Variants in PRIM2 observed in about 807,000 individuals in gnomAD.
PRIM2 encodes DNA primase large subunit.
Under a neutral mutation model 67.3 loss-of-function variants are expected in PRIM2, and 39 were observed. The observed-to-expected ratio is 0.58, with a 90% CI of 0.45 to 0.76. PRIM2 has a LOEUF of 0.76. PRIM2 is among the 30% of genes least tolerant of loss of function. The pLI, the probability that PRIM2 is intolerant of heterozygous loss-of-function variation, is 0.00. For missense variants in PRIM2, 398 were observed against 598.7 expected (o/e 0.66, Z 3.50); for synonymous variants, 143 against 198.7 (o/e 0.72, Z 2.36).
At chr6:57,464,083 G>C (rs35233178) in intron 7 of PRIM2, among the ~76,000 whole-genome samples, 2 of 151,870 alleles carry the variant, frequency 1.3e-5, no homozygotes, top group African/African-American at 2.4e-5. Flanking sequence ...CTCACTTTCC[G>C]GGTCTTCCCT....
chr6:57,503,401 A>C, intron 7 of PRIM2, among the ~76,000 whole-genome samples: 1 of 152,182 alleles, frequency 6.6e-6, no homozygotes, highest in Non-Finnish European at 1.5e-5. Flanking sequence ...ATTTCTAACA[A>C]TCATTTAGTG....
chr6:57,400,463 A>G (rs9475926), intron 7 of PRIM2, among the ~76,000 whole-genome samples: 108,041 of 152,024 alleles, frequency 0.71, 38,731 homozygotes, highest in African/African-American at 0.81. Flanking sequence ...CAGCTGAGTG[A>G]TCTGCTGTTA....
chr6:57,335,681 G>A (rs966902175), intron 5 of PRIM2, among the ~76,000 whole-genome samples: 2 of 152,180 alleles, frequency 1.3e-5, no homozygotes, highest in African/African-American at 4.8e-5. Flanking sequence ...CTAACAAACA[G>A]AAAGGACAAA....
the PRIM2 span, among the ~76,000 whole-genome samples, chr6:57,290,872 A>G: frequency 1.9e-3 from 291 of 152,284 alleles, 1 homozygote; most frequent in Non-Finnish European, 3.2e-3. Flanking sequence ...GAAATTTATA[A>G]CACTAAATGC....
chr6:57,510,207 A>G lies in PRIM2; in HGVS notation c.761+2753A>G, dbSNP rs1554347568. Among the ~76,000 whole-genome samples the G allele has an allele frequency of 3.9e-3, 590 of 152,284 alleles. 2 individuals carry two copies. The highest frequency in any genetic ancestry group is 6.1e-3 in the Non-Finnish European group (418 of 68,020). ...AGTGATGTTCATATTTGTATTTTCA[A>G]TAGCGGAGACAGTATCTGGTGTATG... is the stretch of plus-strand genomic sequence containing the variant. On this transcript the variant is annotated intron_variant, in intron 8 of 13. Coordinates refer to ENST00000615550, the MANE Select transcript of PRIM2 (RefSeq NM_000947.5).
chr6:57,576,218 A>G (rs1439134821), intron 10 of PRIM2, among the ~76,000 whole-genome samples: 3 of 152,150 alleles, frequency 2.0e-5, no homozygotes, highest in East Asian at 1.9e-4. Flanking sequence ...CTATAAATAA[A>G]TATGAGAAAT....
intron 5 of PRIM2, among the ~76,000 whole-genome samples, chr6:57,327,377 G>A (rs1455415453): frequency 2.0e-5 from 3 of 152,194 alleles, no homozygotes; most frequent in African/African-American, 7.2e-5. Context: ...ATAGGTGAAA[G>A]ACATTGTCCT....
intron 7 of PRIM2, among the ~76,000 whole-genome samples, chr6:57,505,821 A>G (rs1204934439): frequency 3.9e-5 from 6 of 152,178 alleles, no homozygotes; most frequent in South Asian, 2.1e-4. Flanking sequence ...GTTTGCCTCT[A>G]TTAGAAAGCA....
chr6:57,538,458 TA>T (rs1775045073), intron 10 of PRIM2, among the ~76,000 whole-genome samples: 1 of 152,348 alleles, frequency 6.6e-6, no homozygotes, highest in South Asian at 2.1e-4. Context: ...AATAACATTT[TA>T]CTTGGAAATA....
chr6:57,254,636 A>C, the PRIM2 span, among the ~76,000 whole-genome samples: 1,576 of 152,292 alleles, frequency 0.01, 33 homozygotes, highest in African/African-American at 0.036. Flanking sequence ...TAACAAATGA[A>C]TTCTTAACAG....
chr6:57,405,926 C>T (rs202054568), intron 7 of PRIM2, among the ~76,000 whole-genome samples: 1 of 152,232 alleles, frequency 6.6e-6, no homozygotes, highest in African/African-American at 2.4e-5. Context: ...CATCATCACC[C>T]AGCAAGCCAA....
chr6:57,384,640 T>G (rs7748662), intron 7 of PRIM2, among the ~76,000 whole-genome samples: 94,556 of 151,864 alleles, frequency 0.62, 29,653 homozygotes, highest in African/African-American at 0.72. Flanking sequence ...TTAGATGGGG[T>G]ATCATGGGAG....
chr6:57,592,351 C>T (rs1164211572), intron 10 of PRIM2, among the ~76,000 whole-genome samples: 2 of 152,138 alleles, frequency 1.3e-5, no homozygotes, highest in African/African-American at 4.8e-5. Context: ...ATGCTGATTT[C>T]TGTGCACATA....
intron 7 of PRIM2, among the ~76,000 whole-genome samples, chr6:57,502,354 G>T (rs1359981156): frequency 6.6e-6 from 1 of 152,124 alleles, no homozygotes. Context: ...CCACACAACA[G>T]TTTACCAACA....
intron 7 of PRIM2, among the ~76,000 whole-genome samples, chr6:57,409,886 G>T (rs1189704505): frequency 1.3e-5 from 2 of 152,192 alleles, no homozygotes; most frequent in Admixed American, 6.5e-5. Context: ...AGAGCATGAA[G>T]AATTTTTCCT....
intron 9 of PRIM2, among the ~76,000 whole-genome samples, chr6:57,534,406 C>G (rs1365999924): frequency 2.6e-5 from 4 of 152,146 alleles, no homozygotes; most frequent in African/African-American, 9.7e-5. Flanking sequence ...TCTGCAAGAT[C>G]CAAGTTGATA....
chr6:57,413,900 A>G (rs1771174050), intron 7 of PRIM2, among the ~76,000 whole-genome samples: 1 of 152,146 alleles, frequency 6.6e-6, no homozygotes. Flanking sequence ...CATTCTTACC[A>G]GGGCTTTGAA....
At chr6:57,274,836 G>T in the PRIM2 span, among the ~76,000 whole-genome samples, 1 of 152,138 alleles carries the variant, frequency 6.6e-6, no homozygotes, top group Admixed American at 6.5e-5. Flanking sequence ...GAGTGCAGTG[G>T]TGTGATCTCG....
At chr6:57,408,548 A>G (rs1180343587) in intron 7 of PRIM2, among the ~76,000 whole-genome samples, 1 of 152,142 alleles carries the variant, frequency 6.6e-6, no homozygotes, top group African/African-American at 2.4e-5. Flanking sequence ...AATAGCCTTT[A>G]GCATTTAATT....
Sources: gnomAD v4.1 joint callset for allele counts (sites outside exome capture counted in the v4.1 genomes callset) on GRCh38, gnomAD v4.1.1 for gene constraint, MANE v1.5 for transcripts, NCBI Gene and HGNC (gene_info 2026-07-23, HGNC 2026-07-21) for gene names.